Variants in UCP2 observed in about 807,000 individuals in gnomAD.
UCP2 encodes the protein uncoupling protein 2, also known as dicarboxylate carrier SLC25A8.
UCP2 carries 27 observed loss-of-function variants against 31.3 expected under a neutral mutation model. The observed-to-expected ratio is 0.86, with a 90% CI of 0.64 to 1.19. The LOEUF is 1.19. Among genes scored for constraint, UCP2 ranks in the 50% most tolerant of loss-of-function variants. The pLI, the probability that UCP2 is intolerant of heterozygous loss-of-function variation, is 0.00. For synonymous variants in UCP2, 142 were observed against 157.4 expected (o/e 0.90, Z 0.73); for missense variants, 377 against 413.5 (o/e 0.91, Z 0.76).
At chr11:73,977,773 C>A in intron 4 of UCP2, 113 bp downstream of exon 4, 1 of 1,427,244 alleles carries the variant, frequency 7.0e-7, no homozygotes, top group Non-Finnish European at 9.7e-7. Flanking sequence ...TCTCTGTTCC[C>A]CTGATCTTCC....
intron 5 of UCP2, 33 bp downstream of exon 5, chr11:73,976,790 G>A: frequency 6.2e-7 from 1 of 1,614,248 alleles, no homozygotes. Flanking sequence ...TCGGGGAGGA[G>A]GAAAAGGGGA....
At chr11:73,978,748 CA>C in intron 2 of UCP2, 2 of 348,736 alleles carry the variant, frequency 5.7e-6, no homozygotes, top group South Asian at 4.5e-5. Context: ...GCCTCATAAA[CA>C]GCCACTGGAC....
chr11:73,977,894 C>A lies in UCP2; in HGVS notation c.329G>T (p.Gly110Val), dbSNP rs1405715478. The change falls in exon 4 of 8, where the codon GGC becomes GTC. Residue 110 changes from glycine to valine, a missense_variant. Transcript: ENST00000663595. ...YDSVKQFYTK[G>V]SEHASIGSRL... ...CCTTGCTCCATACTCACGCTCAGAG[C>A]CCTTGGTGTAGAACTGTTTGACAGA... The A allele has an allele frequency of 6.2e-7, 1 of 1,614,208 alleles. No individual in the cohort carries two copies. The highest frequency in any genetic ancestry group is 8.5e-7 in the Non-Finnish European group (1 of 1,180,042).
chr11:73,979,642 CATA>C (rs1169350964), intron 2 of UCP2, among the ~76,000 whole-genome samples: 1 of 152,138 alleles, frequency 6.6e-6, no homozygotes, highest in East Asian at 1.9e-4. Context: ...GCCAGGGCAA[CATA>C]ATGAGACCCT....
chr11:73,982,892 C>CG (rs1304993544), upstream of UCP2: 4 of 137,390 alleles, frequency 2.9e-5, no homozygotes, highest in South Asian at 5.2e-4. Context: ...GGGCGGGGCC[C>CG]GGGGTGGGGC....
At chr11:73,982,556 C>G (rs113022761) in intron 1 of UCP2, among the ~76,000 whole-genome samples, 165 bp downstream of exon 1, 11 of 152,320 alleles carry the variant, frequency 7.2e-5, no homozygotes, top group East Asian at 1.9e-4. Flanking sequence ...GCCTGGGAGA[C>G]AGAGCGAAAG....
intron 2 of UCP2, chr11:73,979,889 T>C: frequency 6.6e-6 from 1 of 152,152 alleles, no homozygotes; most frequent in Non-Finnish European, 1.5e-5. Context: ...TAGGTGATTT[T>C]GGGGGCTGAG....
chr11:73,977,438 A>G (rs1420607621), intron 4 of UCP2, among the ~76,000 whole-genome samples: 1 of 152,086 alleles, frequency 6.6e-6, no homozygotes. Context: ...GGGAAAGACA[A>G]CCTTTTGTCT....
At chr11:73,980,539 C>T (rs894030019) in intron 2 of UCP2, 8 of 152,274 alleles carry the variant, frequency 5.3e-5, no homozygotes, top group Non-Finnish European at 1.2e-4. Flanking sequence ...CTCTGACACC[C>T]CCTTCCCCCA....
rs45486692 is a variant in UCP2 at position 73,976,894 on chromosome 11, C to T, written c.461G>A (p.Arg154Gln). The T allele has an allele frequency of 8.1e-6, 13 of 1,614,172 alleles. No individual in the cohort carries two copies. Among genetic ancestry groups the T allele is most frequent in the East Asian group, 4.5e-5 (2 of 44,880 alleles). ...GGCATTGACGGTGCTTTGGTATCTC[C>T]GACCACCTCCAGCCCGGGCCTGAGC... ...FQAQARAGGG[R>Q]RYQSTVNAYK... The change falls in exon 5 of 8, where the codon CGG (arginine) becomes CAG (glutamine). Residue 154 changes from arginine to glutamine, a missense_variant. Physicochemically the swap from Arg to Gln is conservative, Grantham distance 43 (BLOSUM62 1). Transcript: ENST00000663595.
chr11:73,979,122 T>C (rs1441609180), intron 2 of UCP2, among the ~76,000 whole-genome samples: 1 of 152,212 alleles, frequency 6.6e-6, no homozygotes, highest in Admixed American at 6.5e-5. Flanking sequence ...TAGAGGAGGC[T>C]TACTGTTGGG....
chr11:73,979,098 G>A (rs1951409373), intron 2 of UCP2, among the ~76,000 whole-genome samples: 1 of 152,252 alleles, frequency 6.6e-6, no homozygotes, highest in African/African-American at 2.4e-5. Flanking sequence ...AGATGCAGGA[G>A]ATAGTATCTA....
intron 1 of UCP2, among the ~76,000 whole-genome samples, chr11:73,982,169 C>T (rs1490389593): frequency 6.6e-6 from 1 of 152,186 alleles, no homozygotes; most frequent in African/African-American, 2.4e-5. Flanking sequence ...CAGGGCTCGG[C>T]ATCGTGGTGG....
intron 2 of UCP2, among the ~76,000 whole-genome samples, chr11:73,980,303 T>C (rs933525057): frequency 1.3e-5 from 2 of 152,084 alleles, no homozygotes; most frequent in African/African-American, 2.4e-5. Context: ...CAGAGACCCA[T>C]GGAAACAAAC....
At chr11:73,978,611 G>A (rs958827959) in intron 2 of UCP2, 134 bp from the exon 3 acceptor site, 33 of 560,696 alleles carry the variant, frequency 5.9e-5, no homozygotes, top group Non-Finnish European at 8.2e-5. Flanking sequence ...AGGGAAAACC[G>A]ATGTGAGCTC....
chr11:73,975,854 A>C (rs879787219), intron 6 of UCP2, among the ~76,000 whole-genome samples, 183 bp from the exon 7 acceptor site: 1 of 152,200 alleles, frequency 6.6e-6, no homozygotes, highest in Non-Finnish European at 1.5e-5. Flanking sequence ...ACTTGAGCCC[A>C]GGAGTTCAAG....
Position 73,975,672 on chromosome 11 carries a change from C to A in UCP2, c.635-1G>T. On this transcript the variant is annotated splice_acceptor_variant, in intron 6 of 7. Transcript: ENST00000663595. LOFTEE classifies it high-confidence loss of function. The stretch of plus-strand genomic sequence containing the variant: ...GAAGTGAAGTGGCAAGGGAGGTCAT[C>A]TGCCAAGGAGGAGCAGGCAAGGCAG... 1.2e-6 allele frequency: 2 copies of A among 1,613,676 alleles called. No homozygotes were observed. The highest frequency in any genetic ancestry group is 2.2e-5 in the South Asian group (2 of 91,082).
rs778643568 is a variant in UCP2, at chr11:73,976,940, C to T, written c.415G>A (p.Val139Met). The change falls in exon 5 of 8, where the codon GTG (valine) becomes ATG (methionine). Residue 139 changes from valine to methionine, a missense_variant. Val to Met is a conservative substitution (Grantham distance 21). Transcript: ENST00000663595. ...LAVAVAQPTD[V>M]VKVRFQAQAR... ...TGAGCTTGGAATCGGACCTTTACCA[C>T]ATCCGTGGGCTGGGCCACAGCCACA... is the stretch of plus-strand genomic sequence containing the variant. 11 of 1,612,088 alleles carry T rather than the reference C, an allele frequency of 6.8e-6. No homozygotes were observed. In the East Asian group the frequency reaches 8.9e-5, roughly 13 times the overall value.
At chr11:73,976,789 A>AG in intron 5 of UCP2, 34 bp downstream of exon 5, 1 of 1,614,134 alleles carries the variant, frequency 6.2e-7, no homozygotes, top group Non-Finnish European at 8.5e-7. Context: ...ATCGGGGAGG[A>AG]GGAAAAGGGG....
Sources: gnomAD v4.1 joint callset for allele counts (sites outside exome capture counted in the v4.1 genomes callset) on GRCh38, gnomAD v4.1.1 for gene constraint, MANE v1.5 for transcripts, NCBI Gene and HGNC (gene_info 2026-07-23, HGNC 2026-07-21) for gene names.